The following SLC24A3 variants were observed in gnomAD, a reference collection of about 807,000 sequenced individuals.
The protein encoded by SLC24A3 is sodium/potassium/calcium exchanger 3.
In SLC24A3, 28 loss-of-function variants were observed where a neutral mutation model predicts 75.8. That is an observed-to-expected ratio of 0.37 (90% CI 0.27 to 0.51). SLC24A3 has a LOEUF of 0.51. Among genes scored for constraint, SLC24A3 ranks in the 20% least tolerant of loss-of-function variants. The probability of loss-of-function intolerance (pLI) is 0.94; values close to 1 mark genes in which losing one functional copy is unlikely to be tolerated. For missense variants in SLC24A3, 663 were observed against 847.8 expected (o/e 0.78, Z 2.71); for synonymous variants, 372 against 334.1 (o/e 1.11, Z -1.24).
At chr20:19,247,079 A>G (rs950898151) in intron 1 of SLC24A3, among the ~76,000 whole-genome samples, 3 of 152,234 alleles carry the variant, frequency 2.0e-5, no homozygotes, top group Non-Finnish European at 4.4e-5. Context: ...TTGTTTATAA[A>G]TACGTTTTTT....
At position 19,356,210 on chromosome 20, in the gene SLC24A3, C is replaced by T. The variant is rs186378840; in HGVS notation, c.271+75123C>T. Among the ~76,000 whole-genome samples, 10 of 152,322 alleles carry T rather than the reference C, an allele frequency of 6.6e-5. No individual in the cohort carries two copies. In the East Asian group the frequency reaches 1.7e-3, roughly 26 times the overall value. ...GTAACATAATGAATATCCATATACTCATCATTCACCTAAGACATAAACTGT... is the reference window on the plus strand; with the variant it reads ...GTAACATAATGAATATCCATATACTTATCATTCACCTAAGACATAAACTGT... On this transcript the variant is annotated intron_variant, in intron 2 of 16. Coordinates refer to ENST00000328041, the MANE Select transcript of SLC24A3 (RefSeq NM_020689.4).
intron 2 of SLC24A3, among the ~76,000 whole-genome samples, chr20:19,306,669 A>C (rs1600421155): frequency 6.6e-6 from 1 of 152,260 alleles, no homozygotes; most frequent in East Asian, 1.9e-4. Flanking sequence ...ATGGACATAA[A>C]GATGGGAACA....
In SLC24A3 at chr20:19,600,571, C is replaced by T. The variant is rs189975567; in HGVS notation, c.612+15027C>T. Among the ~76,000 whole-genome samples, 9 of 152,290 alleles carry T rather than the reference C, an allele frequency of 5.9e-5. No individual in the cohort carries two copies. The East Asian group carries it at 1.5e-3, about 26-fold the overall frequency. On this transcript the variant is annotated intron_variant, in intron 6 of 16. Transcript: ENST00000328041. Reference sequence around the variant, plus strand: ...ATAAAGTGTGCAGCTCCAATTCTGGCCTTGGGCAGAGAGAGTAATTGTAAA... The same window carrying T: ...ATAAAGTGTGCAGCTCCAATTCTGGTCTTGGGCAGAGAGAGTAATTGTAAA...
intron 1 of SLC24A3, among the ~76,000 whole-genome samples, chr20:19,224,665 A>G (rs373318461): frequency 2.0e-5 from 3 of 152,104 alleles, no homozygotes; most frequent in South Asian, 4.1e-4. Context: ...TACTTTCACC[A>G]TTATCTGTTT....
chr20:19,667,100 G>A (rs145252577), intron 8 of SLC24A3, among the ~76,000 whole-genome samples: 291 of 152,282 alleles, frequency 1.9e-3, no homozygotes, highest in African/African-American at 6.3e-3. Context: ...CTCTTTGTTG[G>A]TGTGGGCCTC....
chr20:19,606,980 T>G (rs2031605646), intron 6 of SLC24A3, among the ~76,000 whole-genome samples: 1 of 152,162 alleles, frequency 6.6e-6, no homozygotes, highest in African/African-American at 2.4e-5. Flanking sequence ...CAGGCCCCTC[T>G]GTGAATTAAG....
chr20:19,593,923 A>AATCT (rs1369723982), intron 6 of SLC24A3, among the ~76,000 whole-genome samples: 1 of 151,762 alleles, frequency 6.6e-6, no homozygotes, highest in Non-Finnish European at 1.5e-5. Flanking sequence ...CTCCTGCTGG[A>AATCT]CCCCGGCCAT....
chr20:19,507,926 G>C (rs1169686389), intron 2 of SLC24A3, among the ~76,000 whole-genome samples: 1 of 152,194 alleles, frequency 6.6e-6, no homozygotes, highest in Non-Finnish European at 1.5e-5. Context: ...CCAGCCTGGT[G>C]GGTGCTGATG....
intron 1 of SLC24A3, among the ~76,000 whole-genome samples, chr20:19,214,299 G>A (rs1230961294): frequency 6.6e-6 from 1 of 152,140 alleles, no homozygotes; most frequent in Non-Finnish European, 1.5e-5. Flanking sequence ...GTAGCCTTGG[G>A]TTCTGACATC....
chr20:19,718,431 C>G (rs576220665), intron 16 of SLC24A3, among the ~76,000 whole-genome samples: 2 of 152,278 alleles, frequency 1.3e-5, no homozygotes, highest in Admixed American at 1.3e-4. Flanking sequence ...AGCCACACGC[C>G]GTACTTAATG....
Position 19,386,270 on chromosome 20 carries a change from A to G in SLC24A3, c.271+105183A>G, listed in dbSNP as rs115806418. On this transcript the variant is annotated intron_variant, in intron 2 of 16. Transcript: ENST00000328041. ...CTGATTTTTTGTATGTTGATTTTGTATTCTGAAACTTTACTGAATTTATTT... is the reference window on the plus strand; with the variant it reads ...CTGATTTTTTGTATGTTGATTTTGTGTTCTGAAACTTTACTGAATTTATTT... Among the ~76,000 whole-genome samples, 1,184 of 152,250 alleles carry G rather than the reference A, an allele frequency of 7.8e-3. 19 individuals carry two copies. The highest frequency in any genetic ancestry group is 0.028 in the African/African-American group (1,143 of 41,560).
Position 19,681,841 on chromosome 20 carries a change from C to T in SLC24A3, c.768-17C>T. On this transcript the variant is annotated splice_polypyrimidine_tract_variant and intron_variant, in intron 9 of 16. Coordinates refer to ENST00000328041, the MANE Select transcript of SLC24A3 (RefSeq NM_020689.4). The stretch of plus-strand genomic sequence containing the variant: ...GGAAAACACTGATGGACTCTGCCCA[C>T]TTGTCGCTTTGCTCAGATATAACGC... The T allele has an allele frequency of 1.9e-6, 3 of 1,613,982 alleles. No individual in the cohort carries two copies. The highest frequency in any genetic ancestry group is 2.5e-6 in the Non-Finnish European group (3 of 1,179,938).
chr20:19,542,915 G>T (rs776262086), intron 3 of SLC24A3, among the ~76,000 whole-genome samples: 4 of 152,158 alleles, frequency 2.6e-5, no homozygotes, highest in Non-Finnish European at 4.4e-5. Flanking sequence ...CCTAGGGAGG[G>T]TTACTACTGT....
At chr20:19,701,830 A>G (rs746629296) in intron 15 of SLC24A3, among the ~76,000 whole-genome samples, 1 of 151,610 alleles carries the variant, frequency 6.6e-6, no homozygotes, top group Non-Finnish European at 1.5e-5. Context: ...AAAGAAGAAG[A>G]AAAAAAAACC....
intron 3 of SLC24A3, among the ~76,000 whole-genome samples, chr20:19,557,089 A>G (rs1048067118): frequency 6.6e-6 from 1 of 152,146 alleles, no homozygotes; most frequent in Non-Finnish European, 1.5e-5. Flanking sequence ...AGAAGTCTGC[A>G]GCTCATGCAC....
chr20:19,509,594 T>C (rs1055331261), intron 2 of SLC24A3, among the ~76,000 whole-genome samples: 2 of 152,248 alleles, frequency 1.3e-5, no homozygotes, highest in Non-Finnish European at 1.5e-5. Context: ...GTGTCGCCAG[T>C]TGAAGAGCTG....
At chr20:19,540,213 C>T (rs188048338) in intron 3 of SLC24A3, among the ~76,000 whole-genome samples, 1 of 152,268 alleles carries the variant, frequency 6.6e-6, no homozygotes, top group African/African-American at 2.4e-5. Flanking sequence ...CCCAGCATGA[C>T]CCATCCCAAG....
rs935925383 is a variant in SLC24A3 at position 19,469,488 on chromosome 20, C to T, written c.272-46000C>T. 4.6e-5 allele frequency among the ~76,000 whole-genome samples: 7 copies of T among 152,274 alleles called. No individual in the cohort carries two copies. In the South Asian group the frequency reaches 1.4e-3, roughly 32 times the overall value. ...TACTGGAGAAATTCCAGCCTGCCCA[C>T]AGTGCTAAGCAGGGAGCACTCCACG... is the stretch of plus-strand genomic sequence containing the variant. On this transcript the variant is annotated intron_variant, in intron 2 of 16. Coordinates refer to ENST00000328041, the MANE Select transcript of SLC24A3 (RefSeq NM_020689.4).
rs113299391 is a variant in SLC24A3, at chr20:19,671,636, G to GTT, written c.714-1956_714-1955dup. 1.6e-3 allele frequency among the ~76,000 whole-genome samples: 226 copies of GTT among 145,480 alleles called. 1 individual carries two copies. Among genetic ancestry groups the GTT allele is most frequent in the African/African-American group, 5.3e-3 (209 of 39,214 alleles). ...ACTGAAAGGACAAAGCCCAGGGTTG[G>GTT]TTTTTTTTTTGTTTTTTTGTTTTTT... On this transcript the variant is annotated intron_variant, in intron 8 of 16. Coordinates refer to ENST00000328041, the MANE Select transcript of SLC24A3 (RefSeq NM_020689.4).
Sources: allele counts gnomAD v4.1 joint callset (sites outside exome capture counted in the v4.1 genomes callset), GRCh38; gene constraint gnomAD v4.1.1; transcripts MANE v1.5; gene names NCBI Gene and HGNC (gene_info 2026-07-23, HGNC 2026-07-21).